RBFOX1: variants seen among roughly 807,000 people sequenced by gnomAD.
RBFOX1 encodes RNA binding protein fox-1 homolog 1.
Under a neutral mutation model 57.7 loss-of-function variants are expected in RBFOX1, and 8 were observed. The observed-to-expected ratio is 0.14, with a 90% CI of 0.08 to 0.25. The LOEUF is 0.25. RBFOX1 is among the 10% of genes least tolerant of loss of function. RBFOX1 has a pLI of 1.00. For missense variants in RBFOX1, 611 were observed against 548.5 expected, an observed-to-expected ratio of 1.11 and a Z score of -1.14; for synonymous variants, 326 against 222.4, an observed-to-expected ratio of 1.47 and a Z score of -4.15.
chr16:7,267,800 G>T (rs904192304), intron 4 of RBFOX1, among the ~76,000 whole-genome samples: 7 of 152,072 alleles, frequency 4.6e-5, no homozygotes, highest in African/African-American at 1.7e-4. Context: ...AGGCTGCAGT[G>T]ACCTGAGATT....
intron 2 of RBFOX1, among the ~76,000 whole-genome samples, chr16:6,478,268 G>T (rs535142666): frequency 6.9e-6 from 1 of 144,128 alleles, no homozygotes; most frequent in Non-Finnish European, 1.5e-5. Flanking sequence ...TGTCACCTGG[G>T]CTGGAGTGCA....
At chr16:5,856,436 A>G (rs1401140043) in intron 3 of RBFOX1, among the ~76,000 whole-genome samples, 3 of 138,008 alleles carry the variant, frequency 2.2e-5, no homozygotes, top group African/African-American at 8.0e-5. Context: ...AGTATTGTTC[A>G]TTGTCATCAC....
intron 3 of RBFOX1, among the ~76,000 whole-genome samples, chr16:5,657,628 C>A (rs1185632635): frequency 1.7e-5 from 1 of 59,994 alleles, no homozygotes; most frequent in East Asian, 4.6e-4. Flanking sequence ...TTCTCTCTTT[C>A]TTTCTTTCTT....
At chr16:7,375,236 T>C (rs1370209654) in intron 4 of RBFOX1, among the ~76,000 whole-genome samples, 1 of 152,218 alleles carries the variant, frequency 6.6e-6, no homozygotes, top group Non-Finnish European at 1.5e-5. Flanking sequence ...AAGTCACTGT[T>C]AAATGACACA....
At chr16:6,843,507 T>C (rs1336100896) in intron 3 of RBFOX1, among the ~76,000 whole-genome samples, 1 of 151,962 alleles carries the variant, frequency 6.6e-6, no homozygotes, top group Non-Finnish European at 1.5e-5. Context: ...GCTAACACTG[T>C]GAAACCCCGT....
At chr16:6,643,724 C>G (rs11648666) in intron 2 of RBFOX1, among the ~76,000 whole-genome samples, 85,613 of 151,898 alleles carry the variant, frequency 0.56, 25,598 homozygotes, top group South Asian at 0.82. Context: ...GAAGCCAATT[C>G]CCTACACTCT....
intron 4 of RBFOX1, among the ~76,000 whole-genome samples, chr16:7,481,521 T>G (rs181916663): frequency 1.3e-5 from 2 of 152,222 alleles, no homozygotes; most frequent in African/African-American, 2.4e-5. Context: ...AATTTGATCT[T>G]ACTTGCTGCT....
chr16:6,766,675 C>T (rs557931048), intron 3 of RBFOX1, among the ~76,000 whole-genome samples: 1 of 152,034 alleles, frequency 6.6e-6, no homozygotes, highest in South Asian at 2.1e-4. Context: ...CCACATGTGG[C>T]CAACAGCTGT....
chr16:7,347,838 T>G (rs750085286), intron 4 of RBFOX1, among the ~76,000 whole-genome samples: 5 of 152,194 alleles, frequency 3.3e-5, no homozygotes, highest in African/African-American at 4.8e-5. Context: ...AGGAGTAGGA[T>G]GTAGCTGGTT....
rs1181976768 is a variant in RBFOX1, at chr16:5,929,205, C to T, written c.351+61870C>T. Among the ~76,000 whole-genome samples, 3 of 151,950 alleles carry T rather than the reference C, an allele frequency of 2.0e-5. No individual in the cohort carries two copies. In the East Asian group the frequency reaches 5.8e-4, roughly 29 times the overall value. On this transcript the variant is annotated intron_variant, in intron 4 of 19. Transcript: ENST00000641259. ...ATTACCTCCTGGTGGGCCTTCTCACCCCTCCCCCAGCACCTCTGTGCCACT... is the reference window on the plus strand; with the variant it reads ...ATTACCTCCTGGTGGGCCTTCTCACTCCTCCCCCAGCACCTCTGTGCCACT...
intron 3 of RBFOX1, among the ~76,000 whole-genome samples, chr16:5,855,935 C>A (rs1420197074): frequency 8.1e-6 from 1 of 123,034 alleles, no homozygotes; most frequent in Non-Finnish European, 1.7e-5. Flanking sequence ...ATGTACACGT[C>A]TTTCAACTCT....
At chr16:6,666,120 G>T (rs1304493042) in intron 3 of RBFOX1, among the ~76,000 whole-genome samples, 2 of 152,078 alleles carry the variant, frequency 1.3e-5, no homozygotes. Flanking sequence ...TCATGGTTAT[G>T]AGACCTGCCA....
intron 3 of RBFOX1, among the ~76,000 whole-genome samples, chr16:5,623,731 T>C (rs371281148): frequency 6.6e-6 from 1 of 152,280 alleles, no homozygotes; most frequent in African/African-American, 2.4e-5. Context: ...CTTCCCTCCC[T>C]GTGTCTCTCC....
chr16:7,690,402 G>T (rs1189186243), intron 14 of RBFOX1, among the ~76,000 whole-genome samples: 1 of 152,088 alleles, frequency 6.6e-6, no homozygotes, highest in East Asian at 1.9e-4. Flanking sequence ...AGTGTAGCTT[G>T]GTAACCAGAA....
At chr16:5,394,790 C>G (rs1036347858) in intron 1 of RBFOX1, among the ~76,000 whole-genome samples, 30 of 152,164 alleles carry the variant, frequency 2.0e-4, no homozygotes, top group African/African-American at 3.9e-4. Context: ...CTCACGCAGT[C>G]TGCCCCACCT....
chr16:7,053,151 G>C (rs551259534), intron 4 of RBFOX1, among the ~76,000 whole-genome samples: 19 of 152,176 alleles, frequency 1.2e-4, no homozygotes, highest in South Asian at 8.3e-4. Flanking sequence ...CCATTTCACA[G>C]TTGCTGTTGG....
At chr16:6,479,879 A>T (rs1428410253) in intron 2 of RBFOX1, among the ~76,000 whole-genome samples, 2 of 151,510 alleles carry the variant, frequency 1.3e-5, no homozygotes, top group Non-Finnish European at 2.9e-5. Flanking sequence ...GTGAAACCCC[A>T]TCTCTACTAA....
chr16:7,148,546 G>C (rs2075494009), intron 4 of RBFOX1, among the ~76,000 whole-genome samples: 1 of 152,220 alleles, frequency 6.6e-6, no homozygotes, highest in South Asian at 2.1e-4. Context: ...CGAGTTCCCT[G>C]AACAGACAAC....
At chr16:7,533,254 C>A (rs1244353778) in intron 5 of RBFOX1, among the ~76,000 whole-genome samples, 1 of 152,154 alleles carries the variant, frequency 6.6e-6, no homozygotes, top group Non-Finnish European at 1.5e-5. Flanking sequence ...TTTAAAAATT[C>A]TTTCCATCAA....
Sources: gnomAD v4.1 joint callset for allele counts (sites outside exome capture counted in the v4.1 genomes callset) on GRCh38, gnomAD v4.1.1 for gene constraint, MANE v1.5 for transcripts, NCBI Gene and HGNC (gene_info 2026-07-23, HGNC 2026-07-21) for gene names.